Variants in SLC25A5 observed in about 807,000 individuals in gnomAD.
SLC25A5 encodes the protein solute carrier family 25 member 5, also known as ADP/ATP translocase 2.
SLC25A5 carries 4 observed loss-of-function variants against 16.5 expected under a neutral mutation model. The observed-to-expected ratio is 0.24, with a 90% CI of 0.12 to 0.56. The LOEUF is 0.56. Ranked by LOEUF, SLC25A5 falls within the 20% of genes least tolerant of loss-of-function variation. SLC25A5 has a pLI of 0.93. For synonymous variants in SLC25A5, 60 were observed against 95.2 expected, an observed-to-expected ratio of 0.63 and a Z score of 2.15; for missense variants, 88 against 248.0, an observed-to-expected ratio of 0.35 and a Z score of 4.33.
intron 1 of SLC25A5, 81 bp downstream of exon 1, chrX:119,468,707 G>GAGCGA (rs1397293341): frequency 1.2e-6 from 1 of 824,422 alleles, no homozygotes; most frequent in African/African-American, 2.0e-5. Context: ...GGGTGGCGGG[G>GAGCGA]AGCGAACTCT....
chrX:119,469,619 A>C (rs983278265), intron 1 of SLC25A5, 42 bp from the exon 2 acceptor site: 18 of 1,149,904 alleles, frequency 1.6e-5, no homozygotes, highest in Non-Finnish European at 2.0e-5. Flanking sequence ...TCCCTTCCCC[A>C]TGGTTATAAC....
intron 3 of SLC25A5, 60 bp downstream of exon 3, chrX:119,470,573 C>T (rs5910592): frequency 0.13 from 148,575 of 1,108,607 alleles, 6,798 homozygotes; most frequent in African/African-American, 0.19. Context: ...CTGCCACAAA[C>T]TGGTGATACA....
Position 119,470,433 on chromosome X carries a change from T to C in SLC25A5, c.659T>C (p.Val220Ala). 1 of 1,212,711 alleles carries C rather than the reference T, an allele frequency of 8.2e-7. No individual in the cohort carries two copies. The highest frequency in any genetic ancestry group is 1.1e-6 in the Non-Finnish European group (1 of 895,468). ...ATCAGCTGGATGATCGCACAGACTG[T>C]CACTGCTGTTGCCGGGTTGACTTCC... ...IVISWMIAQTVTAVAGLTSYP... is the reference protein window; with the variant it reads ...IVISWMIAQTATAVAGLTSYP... The change falls in exon 3 of 4, where the codon GTC becomes GCC. Residue 220 changes from valine to alanine, a missense_variant. Coordinates refer to ENST00000317881, the MANE Select transcript of SLC25A5 (RefSeq NM_001152.5).
chrX:119,468,916 C>T, intron 1 of SLC25A5: 1 of 318,177 alleles, frequency 3.1e-6, no homozygotes, highest in Non-Finnish European at 5.6e-6. Context: ...TGACGGCCTC[C>T]CCGGGCCTGG....
At chrX:119,469,138 C>T (rs964546847) in intron 1 of SLC25A5, 1 of 113,413 alleles carries the variant, frequency 8.8e-6, no homozygotes, top group Non-Finnish European at 1.9e-5. Context: ...CCCGCGCAGC[C>T]GCGGCCGCTG....
intron 3 of SLC25A5, 99 bp downstream of exon 3, chrX:119,470,612 C>A: frequency 9.9e-7 from 1 of 1,008,822 alleles, no homozygotes; most frequent in Non-Finnish European, 1.4e-6. Flanking sequence ...CTGTCCAAGT[C>A]AAGGGATGGG....
chrX:119,471,097 T>A lies in SLC25A5; in HGVS notation c.*39T>A. 1 of 1,134,980 alleles carries A rather than the reference T, an allele frequency of 8.8e-7. No homozygotes were observed. The highest frequency in any genetic ancestry group is 1.2e-6 in the Non-Finnish European group (1 of 840,538). 93.5% of individuals were successfully genotyped at this position (1,134,980 alleles called of 1,213,427 possible). ...ATTTTTCCCCCTGTGAACAGGCATGTTGTATTATATAACATATCTTGAGCA... is the reference window on the plus strand; with the variant it reads ...ATTTTTCCCCCTGTGAACAGGCATGATGTATTATATAACATATCTTGAGCA... On this transcript the variant is annotated 3_prime_UTR_variant, in exon 4 of 4. Transcript: ENST00000317881.
chrX:119,470,582 C>T, intron 3 of SLC25A5, 69 bp downstream of exon 3: 2 of 1,044,882 alleles, frequency 1.9e-6, no homozygotes, highest in Non-Finnish European at 2.5e-6. Flanking sequence ...ACTGGTGATA[C>T]ATACCTTTAA....
intron 1 of SLC25A5, 75 bp from the exon 2 acceptor site, chrX:119,469,586 G>A: frequency 9.2e-7 from 1 of 1,089,754 alleles, no homozygotes; most frequent in Non-Finnish European, 1.2e-6. Flanking sequence ...GGCATTGATC[G>A]AGATGGCATA....
At chrX:119,469,564 C>T in intron 1 of SLC25A5, 97 bp from the exon 2 acceptor site, 1 of 999,975 alleles carries the variant, frequency 1.0e-6, no homozygotes, top group Non-Finnish European at 1.4e-6. Context: ...GAGAGGGGAG[C>T]CTACCTTAAA....
At position 119,470,421 on chromosome X, in the gene SLC25A5, T is replaced by C; in HGVS notation, c.647T>C (p.Ile216Thr). The change falls in exon 3 of 4, where the codon ATC becomes ACC. Residue 216 changes from isoleucine to threonine, a missense_variant. Coordinates refer to ENST00000317881, the MANE Select transcript of SLC25A5 (RefSeq NM_001152.5). ...KNTHIVISWM[I>T]AQTVTAVAGL... ...ACTCACATCGTCATCAGCTGGATGA[T>C]CGCACAGACTGTCACTGCTGTTGCC... 8.2e-7 allele frequency: 1 copy of C among 1,212,805 alleles called. No homozygotes were observed. The highest frequency in any genetic ancestry group is 1.8e-5 in the South Asian group (1 of 57,096).
chrX:119,471,007 G>C lies in SLC25A5; in HGVS notation c.846G>C (p.Met282Ile). 1 of 952,249 alleles carries C rather than the reference G, an allele frequency of 1.1e-6. No individual in the cohort carries two copies. The highest frequency in any genetic ancestry group is 1.3e-6 in the Non-Finnish European group (1 of 759,757). 78.5% of individuals were successfully genotyped at this position (952,249 alleles called of 1,213,427 possible). A position where few individuals can be genotyped will look rare whatever the true frequency, so the allele number is the denominator to read the frequency against. The change falls in exon 4 of 4, where the codon ATG becomes ATC. Residue 282 changes from methionine to isoleucine, a missense_variant. Transcript: ENST00000317881. ...KGAWSNVLRG[M>I]GGAFVLVLYD... ...CATGGTCCAATGTTCTCAGAGGCAT[G>C]GGTGGTGCTTTTGTGCTTGTCTTGT...
intron 2 of SLC25A5, 31 bp downstream of exon 2, chrX:119,470,178 TC>T: frequency 8.6e-7 from 1 of 1,164,770 alleles, no homozygotes; most frequent in Non-Finnish European, 1.1e-6. Flanking sequence ...AACGTTGTGT[TC>T]TTAGGAGACA....
At chrX:119,469,594 A>T (rs2052813983) in intron 1 of SLC25A5, 67 bp from the exon 2 acceptor site, 4 of 1,103,600 alleles carry the variant, frequency 3.6e-6, no homozygotes, top group Non-Finnish European at 4.8e-6. Flanking sequence ...TCGAGATGGC[A>T]TAAGCTCTTC....
At chrX:119,470,693 C>T (rs1041657861) in intron 3 of SLC25A5, among the ~76,000 whole-genome samples, 180 bp downstream of exon 3, 15 of 112,001 alleles carry the variant, frequency 1.3e-4, no homozygotes, top group Non-Finnish European at 2.3e-4. Context: ...AATGAGGGTG[C>T]TTAAATGGTG....
At position 119,468,488 on chromosome X, in the gene SLC25A5, C is replaced by G. The variant is rs1349980773; in HGVS notation, c.-28C>G. 1 of 1,166,737 alleles carries G rather than the reference C, an allele frequency of 8.6e-7. No homozygotes were observed. Among genetic ancestry groups the G allele is most frequent in the East Asian group, 3.0e-5 (1 of 33,441 alleles). ...AAGCCGGTTCCCGGCCCAGTCCCGT[C>G]CTGCAGCAGTCTGCCTCCTCTTTCA... On this transcript the variant is annotated 5_prime_UTR_variant, in exon 1 of 4. Coordinates refer to ENST00000317881, the MANE Select transcript of SLC25A5 (RefSeq NM_001152.5).
intron 1 of SLC25A5, 39 bp downstream of exon 1, chrX:119,468,665 G>A (rs1168345285): frequency 3.6e-6 from 4 of 1,117,942 alleles, no homozygotes; most frequent in Non-Finnish European, 4.9e-6. Flanking sequence ...AGGAAGTGGG[G>A]GGAAGGGTCG....
rs867277720 is a variant in SLC25A5 at position 119,470,474 on chromosome X, G to A, written c.700G>A (p.Val234Ile). ...AGLTSYPFDT[V>I]RRRMMMQSGR... ...GTTGACTTCCTATCCATTTGACACT[G>A]TTCGCCGCCGCATGATGATGCAGTC... is the stretch of plus-strand genomic sequence containing the variant. The change falls in exon 3 of 4, where the codon GTT (valine) becomes ATT (isoleucine). Residue 234 changes from valine (V) to isoleucine (I), a missense_variant. Transcript: ENST00000317881. 1 of 1,212,644 alleles carries A rather than the reference G, an allele frequency of 8.2e-7. No individual in the cohort carries two copies.
chrX:119,468,809 C>T (rs1020481199), intron 1 of SLC25A5, 183 bp downstream of exon 1: 46 of 444,587 alleles, frequency 1.0e-4, no homozygotes, highest in South Asian at 8.2e-4. Flanking sequence ...CCTTTAGTGA[C>T]CTGAAGTAGT....
Sources: allele counts gnomAD v4.1 joint callset (sites outside exome capture counted in the v4.1 genomes callset), GRCh38; gene constraint gnomAD v4.1.1; transcripts MANE v1.5; gene names NCBI Gene and HGNC (gene_info 2026-07-23, HGNC 2026-07-21).